SBF2: variants seen among roughly 807,000 people sequenced by gnomAD.
SBF2 encodes the protein SET binding factor 2.
Under a neutral mutation model 225.2 loss-of-function variants are expected in SBF2, and 112 were observed. That is an observed-to-expected ratio of 0.50 (90% CI 0.43 to 0.58). The LOEUF (loss-of-function observed/expected upper bound fraction) is 0.58, where lower values mean the gene tolerates loss of function less well. Ranked by LOEUF, SBF2 falls within the 20% of genes least tolerant of loss-of-function variation. SBF2 has a pLI of 0.00. For missense variants in SBF2, 1,996 were observed against 2,206.2 expected (o/e 0.90, Z 1.91); for synonymous variants, 763 against 773.3 (o/e 0.99, Z 0.22).
intron 16 of SBF2, among the ~76,000 whole-genome samples, chr11:9,910,030 G>A (rs1282163317): frequency 1.3e-5 from 2 of 152,156 alleles, no homozygotes; most frequent in Non-Finnish European, 2.9e-5. Flanking sequence ...CGTGGGTGAA[G>A]GTTAGATGGT....
At chr11:10,028,166 G>A (rs866249569) in intron 6 of SBF2, among the ~76,000 whole-genome samples, 7 of 151,762 alleles carry the variant, frequency 4.6e-5, no homozygotes, top group South Asian at 2.1e-4. Flanking sequence ...CTCCTGCCTC[G>A]GCCTCCCAAA....
intron 1 of SBF2, among the ~76,000 whole-genome samples, chr11:10,227,030 G>A (rs1958596892): frequency 6.6e-6 from 1 of 152,208 alleles, no homozygotes; most frequent in Admixed American, 6.5e-5. Flanking sequence ...ACTGGTGTGA[G>A]ATGGTATTTC....
chr11:9,801,690 T>G (rs410550), intron 32 of SBF2, among the ~76,000 whole-genome samples: 8,675 of 152,284 alleles, frequency 0.057, 661 homozygotes, highest in African/African-American at 0.17. Flanking sequence ...ATATTAAGCT[T>G]TGATGCAAAA....
At chr11:9,794,308 T>A (rs1037418366) in intron 33 of SBF2, among the ~76,000 whole-genome samples, 2 of 152,124 alleles carry the variant, frequency 1.3e-5, no homozygotes, top group African/African-American at 4.8e-5. Flanking sequence ...CTCCCAATAT[T>A]TGTACATGTT....
intron 16 of SBF2, among the ~76,000 whole-genome samples, chr11:9,930,303 G>A (rs1243194771): frequency 1.3e-5 from 2 of 152,112 alleles, no homozygotes; most frequent in Non-Finnish European, 2.9e-5. Flanking sequence ...AAAAAGGAAT[G>A]ATCTATTGAT....
chr11:10,009,912 C>T (rs1384613180), intron 6 of SBF2, among the ~76,000 whole-genome samples: 2 of 152,202 alleles, frequency 1.3e-5, no homozygotes, highest in African/African-American at 4.8e-5. Flanking sequence ...TCCTCTCCAG[C>T]ATCTGTTGTT....
Position 10,028,505 on chromosome 11 carries a change from T to C in SBF2, c.566A>G (p.His189Arg), listed in dbSNP as rs764000654. The C allele has an allele frequency of 6.2e-6, 10 of 1,613,836 alleles. No homozygotes were observed. In the Admixed American group the frequency reaches 1.0e-4, roughly 16 times the overall value. ...AGTGCCCGTGATAGGAAGACTATCA[T>C]GTAAAGGAGTCTGGATCAACTGTCT... is the stretch of plus-strand genomic sequence containing the variant. ...GDRQLIQTPL[H>R]DSLPITGTSV... Residue 189 changes from histidine (H) to arginine (R), a missense_variant, in exon 6 of 40, where the codon CAT (histidine) becomes CGT (arginine). Transcript: ENST00000256190.
At chr11:9,867,255 C>T (rs1385148383) in intron 17 of SBF2, among the ~76,000 whole-genome samples, 2 of 152,050 alleles carry the variant, frequency 1.3e-5, no homozygotes, top group Non-Finnish European at 2.9e-5. Context: ...AATATATACA[C>T]CTACTATGTA....
Position 9,835,307 on chromosome 11 carries a change from A to C in SBF2, c.3456-2887T>G, listed in dbSNP as rs74236241. ...TAGTATTTCCTCCAAGTCACTATTT[A>C]TTCTTCTTTCTTAAAGATTACCACT... On this transcript the variant is annotated intron_variant, in intron 26 of 39. Coordinates refer to ENST00000256190, the MANE Select transcript of SBF2 (RefSeq NM_030962.4). Among the ~76,000 whole-genome samples the C allele has an allele frequency of 4.9e-4, 75 of 152,152 alleles. 1 individual carries two copies. The highest frequency in any genetic ancestry group is 1.9e-3 in the South Asian group (9 of 4,812).
chr11:10,044,539 AC>A, intron 2 of SBF2: 1 of 217,320 alleles, frequency 4.6e-6, no homozygotes, highest in Non-Finnish European at 9.0e-6. Flanking sequence ...AGGATTCACC[AC>A]CAGACTGGGA....
chr11:9,995,823 G>GCC (rs1395773554), intron 9 of SBF2, among the ~76,000 whole-genome samples: 1 of 42,322 alleles, frequency 2.4e-5, no homozygotes, highest in Non-Finnish European at 5.0e-5. Context: ...CTAATTTTTT[G>GCC]TCTTTTTTTT....
chr11:9,873,967 T>C (rs918788279), intron 17 of SBF2, among the ~76,000 whole-genome samples: 12 of 152,066 alleles, frequency 7.9e-5, no homozygotes, highest in African/African-American at 2.7e-4. Flanking sequence ...GAGAATCGCT[T>C]GAACCCGTGG....
chr11:10,027,865 C>T (rs545157119), intron 6 of SBF2, among the ~76,000 whole-genome samples: 1 of 152,280 alleles, frequency 6.6e-6, no homozygotes, highest in East Asian at 1.9e-4. Context: ...TCTGACAAGG[C>T]TTCCACAAAA....
intron 1 of SBF2, among the ~76,000 whole-genome samples, chr11:10,239,635 T>C (rs1959181257): frequency 6.6e-6 from 1 of 150,564 alleles, no homozygotes; most frequent in African/African-American, 2.4e-5. Flanking sequence ...AGGGGAATTA[T>C]ACTAATTACA....
chr11:10,116,752 G>A (rs1372807), intron 2 of SBF2, among the ~76,000 whole-genome samples: 41,765 of 151,748 alleles, frequency 0.28, 6,069 homozygotes, highest in Admixed American at 0.36. Flanking sequence ...CTCTGCCTTG[G>A]TCCTCACTTC....
At chr11:10,018,494 C>A (rs1182181391) in intron 6 of SBF2, among the ~76,000 whole-genome samples, 1 of 152,122 alleles carries the variant, frequency 6.6e-6, no homozygotes, top group Non-Finnish European at 1.5e-5. Context: ...AAATTTTAGA[C>A]AAGAGAACTT....
At position 9,841,032 on chromosome 11, in the gene SBF2, C is replaced by A. The variant is rs531970790; in HGVS notation, c.3257-1336G>T. Among the ~76,000 whole-genome samples the A allele has an allele frequency of 2.6e-5, 4 of 151,712 alleles. No homozygotes were observed. In the South Asian group the frequency reaches 6.2e-4, roughly 24 times the overall value. ...TATTTATTTTGAAAGTAAGAGACAT[C>A]AAATCAAGCTTTCAAAGTTTTTGAA... On this transcript the variant is annotated intron_variant, in intron 25 of 39. Transcript: ENST00000256190.
At chr11:9,795,996 C>T in intron 32 of SBF2, 39 bp from the exon 33 acceptor site, 4 of 1,606,884 alleles carry the variant, frequency 2.5e-6, no homozygotes, top group Non-Finnish European at 3.4e-6. Context: ...AAGAATCAAA[C>T]AGAACAAAAA....
intron 1 of SBF2, among the ~76,000 whole-genome samples, chr11:10,213,237 T>C (rs1164663761): frequency 6.6e-6 from 1 of 152,122 alleles, no homozygotes; most frequent in Admixed American, 6.5e-5. Context: ...AGAACACCCA[T>C]CTTGGAGGAT....
Sources: gnomAD v4.1 joint callset for allele counts (sites outside exome capture counted in the v4.1 genomes callset) on GRCh38, gnomAD v4.1.1 for gene constraint, MANE v1.5 for transcripts, NCBI Gene and HGNC (gene_info 2026-07-23, HGNC 2026-07-21) for gene names.